MAP3K2: variants seen among roughly 807,000 people sequenced by gnomAD.
The protein encoded by MAP3K2 is mitogen-activated protein kinase kinase kinase 2.
Under a neutral mutation model 80.3 loss-of-function variants are expected in MAP3K2, and 24 were observed. The observed-to-expected ratio is 0.30, with a 90% CI of 0.22 to 0.42. The LOEUF is 0.42. MAP3K2 is among the 10% of genes least tolerant of loss of function. The pLI is 1.00. For synonymous variants in MAP3K2, 244 were observed against 253.7 expected, an observed-to-expected ratio of 0.96 and a Z score of 0.36; for missense variants, 608 against 750.1, an observed-to-expected ratio of 0.81 and a Z score of 2.21.
chr2:127,319,467 T>C (rs534850372), intron 12 of MAP3K2, among the ~76,000 whole-genome samples: 44 of 151,694 alleles, frequency 2.9e-4, no homozygotes, highest in African/African-American at 8.9e-4. Flanking sequence ...ACTGAGAGCA[T>C]GACAAGGCCA....
At chr2:127,330,327 C>T in intron 6 of MAP3K2, 65 bp downstream of exon 6, 1 of 711,922 alleles carries the variant, frequency 1.4e-6, no homozygotes, top group Admixed American at 3.2e-5. Context: ...AATTATGTTT[C>T]ATATGTTAAC....
At chr2:127,369,686 A>G (rs1370105336) in intron 1 of MAP3K2, among the ~76,000 whole-genome samples, 1 of 152,106 alleles carries the variant, frequency 6.6e-6, no homozygotes, top group East Asian at 1.9e-4. Context: ...ACTTGTTTTT[A>G]TCCTTCTGGG....
At chr2:127,324,090 T>C in intron 10 of MAP3K2, 84 bp downstream of exon 10, 3 of 1,132,798 alleles carry the variant, frequency 2.6e-6, no homozygotes, top group Non-Finnish European at 3.7e-6. Flanking sequence ...TATTTGACTT[T>C]TCAAAAATCC....
Position 127,343,014 on chromosome 2 carries a change from A to G in MAP3K2, c.4+112T>C, listed in dbSNP as rs1429745872. ...ATAAAACATTTCATAAATCTGCTAT[A>G]TCATAAAATTTATTTATAAAAAGGT... On this transcript the variant is annotated intron_variant, in intron 2 of 16. Coordinates refer to ENST00000682094, the MANE Select transcript of MAP3K2 (RefSeq NM_001371910.2). 4 of 739,252 alleles carry G rather than the reference A, an allele frequency of 5.4e-6. No individual in the cohort carries two copies. The African/African-American group carries it at 7.1e-5, about 13-fold the overall frequency. The allele number at this position is 739,252 out of a possible 1,614,324, so 45.8% of individuals were successfully genotyped here.
At chr2:127,344,518 C>A (rs7584659) in intron 1 of MAP3K2, among the ~76,000 whole-genome samples, 2 of 149,232 alleles carry the variant, frequency 1.3e-5, no homozygotes, top group East Asian at 2.0e-4. Flanking sequence ...ATTTAAAAAA[C>A]AAAATGCCAG....
chr2:127,368,577 G>A (rs1444737319), intron 1 of MAP3K2, among the ~76,000 whole-genome samples: 2 of 148,062 alleles, frequency 1.4e-5, no homozygotes, highest in Middle Eastern at 4.0e-3. Flanking sequence ...AGCCCAGATC[G>A]TGCCACTGCA....
intron 2 of MAP3K2, among the ~76,000 whole-genome samples, chr2:127,342,388 G>GGTGTGTGTGTGTGTGT (rs56300936): frequency 1.2e-3 from 172 of 147,860 alleles, no homozygotes; most frequent in Middle Eastern, 0.01. Flanking sequence ...TCTTCATGAG[G>GGTGTGTGTGTGTGTGT]GTGTGTGTGT....
intron 11 of MAP3K2, 23 bp downstream of exon 11, chr2:127,323,879 T>C (rs2104823847): frequency 8.7e-7 from 1 of 1,155,392 alleles, no homozygotes; most frequent in Non-Finnish European, 1.2e-6. Flanking sequence ...ACTATTCTTG[T>C]GGTCTAATTG....
At chr2:127,329,853 A>G in intron 7 of MAP3K2, 68 bp downstream of exon 7, 1 of 848,998 alleles carries the variant, frequency 1.2e-6, no homozygotes, top group East Asian at 2.4e-5. Context: ...TAGGTGCCAC[A>G]CTACATTAAA....
chr2:127,314,290 G>C (rs1292985646), intron 15 of MAP3K2, among the ~76,000 whole-genome samples: 4 of 152,098 alleles, frequency 2.6e-5, no homozygotes, highest in Admixed American at 2.6e-4. Flanking sequence ...TTAAATTAAA[G>C]CATATTGCAT....
Position 127,364,304 on chromosome 2 carries a change from G to C in MAP3K2, c.-65-21110C>G, listed in dbSNP as rs903313879. Among the ~76,000 whole-genome samples, 11 of 152,322 alleles carry C rather than the reference G, an allele frequency of 7.2e-5. No individual in the cohort carries two copies. Among genetic ancestry groups the C allele is most frequent in the African/African-American group, 2.6e-4 (11 of 41,562 alleles). On this transcript the variant is annotated intron_variant, in intron 1 of 16. Coordinates refer to ENST00000682094, the MANE Select transcript of MAP3K2 (RefSeq NM_001371910.2). The surrounding 1 kb of genome is among the most constrained non-coding windows in gnomAD (Gnocchi z 4.1). ...AATAGATAATCAAAAAAAGCAAAGA[G>C]TAGGAGTCAATAGGTTCTGAGTTAT...
intron 1 of MAP3K2, among the ~76,000 whole-genome samples, chr2:127,379,344 C>T (rs1687210133): frequency 6.6e-6 from 1 of 152,042 alleles, no homozygotes; most frequent in African/African-American, 2.4e-5. Flanking sequence ...AGGCACCGTC[C>T]TAAACATATT....
At position 127,322,181 on chromosome 2, in the gene MAP3K2, T is replaced by G. The variant is rs192818915; in HGVS notation, c.910A>C (p.Thr304Pro). 1.2e-6 allele frequency: 2 copies of G among 1,613,976 alleles called. No homozygotes were observed. The highest frequency in any genetic ancestry group is 1.7e-6 in the Non-Finnish European group (2 of 1,179,854). ...CTACTAGTGCTTAAGGAATGATCAG[T>G]AGGACTGAAACTCACAGGAGACCGT... ...SLRSPVSFSP[T>P]DHSLSTSSGS... Residue 304 changes from threonine to proline, a missense_variant, in exon 12 of 17, where the codon ACT becomes CCT. Physicochemically the swap from Thr to Pro is conservative, Grantham distance 38. This residue lies in a region of MAP3K2 where 467 missense variants were observed against 521.9 expected (regional missense o/e 0.89). Transcript: ENST00000682094. The surrounding 1 kb of genome is among the most constrained non-coding windows in gnomAD (Gnocchi z 4.2).
chr2:127,387,619 G>A lies in MAP3K2; in HGVS notation c.-233C>T, dbSNP rs1157388430. On this transcript the variant is annotated 5_prime_UTR_variant, in exon 1 of 17. Transcript: ENST00000682094. ...GCGAGGAGTCGGGCGCGGGCCTTGG[G>A]GCCAGGCCCGTCCCTCTTTCACATG... is the stretch of plus-strand genomic sequence containing the variant. 3 of 984,834 alleles carry A rather than the reference G, an allele frequency of 3.0e-6. No homozygotes were observed. The highest frequency in any genetic ancestry group is 3.5e-5 in the African/African-American group (2 of 57,148). 61.0% of individuals were successfully genotyped at this position (984,834 alleles called of 1,614,324 possible). A position where few individuals can be genotyped will look rare whatever the true frequency, so the allele number is the denominator to read the frequency against.
chr2:127,384,681 T>A (rs79440305), intron 1 of MAP3K2, among the ~76,000 whole-genome samples: 2 of 151,788 alleles, frequency 1.3e-5, no homozygotes, highest in Middle Eastern at 3.2e-3. Flanking sequence ...TTTTTTTTTT[T>A]AAGACAGGGT....
chr2:127,380,162 G>A (rs56291216), intron 1 of MAP3K2, among the ~76,000 whole-genome samples: 3,937 of 152,248 alleles, frequency 0.026, 67 homozygotes, highest in African/African-American at 0.03. Flanking sequence ...TGTCTGCACT[G>A]TGCTAGGTAC....
rs372040754 is a variant in MAP3K2, at chr2:127,376,394, C to T, written c.-66+11058G>A. ...CAAGGCCTTTGTCATTAAATCTATA[C>T]TGAATAAATGCCGGCAGCGCAGGCT... On this transcript the variant is annotated intron_variant, in intron 1 of 16. Coordinates refer to ENST00000682094, the MANE Select transcript of MAP3K2 (RefSeq NM_001371910.2). Among the ~76,000 whole-genome samples the T allele has an allele frequency of 5.3e-5, 8 of 152,308 alleles. No homozygotes were observed. In the East Asian group the frequency reaches 1.4e-3, roughly 26 times the overall value.
chr2:127,347,607 A>G (rs936724623), intron 1 of MAP3K2, among the ~76,000 whole-genome samples: 2 of 152,176 alleles, frequency 1.3e-5, no homozygotes, highest in African/African-American at 4.8e-5. Flanking sequence ...AAATATACAG[A>G]AAGACATCCC....
chr2:127,379,931 G>A (rs1373338535), intron 1 of MAP3K2, among the ~76,000 whole-genome samples: 2 of 152,134 alleles, frequency 1.3e-5, no homozygotes, highest in South Asian at 2.1e-4. Flanking sequence ...GGTTGTTGTA[G>A]GGATTAAATG....
Sources: gnomAD v4.1 joint callset for allele counts (sites outside exome capture counted in the v4.1 genomes callset) on GRCh38, gnomAD v4.1.1 for gene constraint, gnomAD v4.1.1 regional missense constraint, Gnocchi (gnomAD v3.1) non-coding constraint, MANE v1.5 for transcripts, NCBI Gene and HGNC (gene_info 2026-07-23, HGNC 2026-07-21) for gene names.